Variants in ARHGAP15 observed in about 807,000 individuals in gnomAD.
ARHGAP15 encodes rho GTPase-activating protein 15.
In ARHGAP15, 51 loss-of-function variants were observed where a neutral mutation model predicts 63.7. That is an observed-to-expected ratio of 0.80 (90% CI 0.64 to 1.01). The LOEUF (loss-of-function observed/expected upper bound fraction) is 1.01. Ranked by LOEUF, ARHGAP15 falls within the 50% of genes least tolerant of loss-of-function variation. ARHGAP15 has a pLI of 0.00. For missense variants in ARHGAP15, 560 were observed against 564.6 expected (o/e 0.99, Z 0.08); for synonymous variants, 191 against 193.8 (o/e 0.99, Z 0.12).
chr2:143,256,933 T>C (rs1680457324), intron 6 of ARHGAP15, among the ~76,000 whole-genome samples: 1 of 152,142 alleles, frequency 6.6e-6, no homozygotes, highest in Non-Finnish European at 1.5e-5. Flanking sequence ...AGAAGATGGA[T>C]GGAAAGTACA....
intron 6 of ARHGAP15, among the ~76,000 whole-genome samples, chr2:143,390,918 T>C (rs1191056840): frequency 6.6e-6 from 1 of 152,208 alleles, no homozygotes; most frequent in Non-Finnish European, 1.5e-5. Context: ...CCGTATTGAT[T>C]GTTGCTGGCT....
At chr2:143,765,328 C>A (rs1291455307) in intron 13 of ARHGAP15, among the ~76,000 whole-genome samples, 1 of 152,052 alleles carries the variant, frequency 6.6e-6, no homozygotes, top group Non-Finnish European at 1.5e-5. Flanking sequence ...AGCAAAGGTC[C>A]ATTCCACTTG....
At chr2:143,443,763 T>C (rs1574458300) in intron 8 of ARHGAP15, among the ~76,000 whole-genome samples, 1 of 152,142 alleles carries the variant, frequency 6.6e-6, no homozygotes. Context: ...AGCATCCACA[T>C]TAATTTATCA....
intron 9 of ARHGAP15, among the ~76,000 whole-genome samples, chr2:143,512,190 G>A (rs191903904): frequency 7.9e-5 from 12 of 152,278 alleles, no homozygotes; most frequent in East Asian, 5.8e-4. Flanking sequence ...GCAGCATAGC[G>A]TCTAGAAGAT....
chr2:143,556,580 C>T (rs956680034), intron 11 of ARHGAP15, 95 bp downstream of exon 11: 1 of 836,042 alleles, frequency 1.2e-6, no homozygotes, highest in South Asian at 2.4e-5. Flanking sequence ...AATAATAAAA[C>T]TTTAACAGGA....
At chr2:143,444,350 G>T (rs1256730045) in intron 8 of ARHGAP15, among the ~76,000 whole-genome samples, 1 of 152,144 alleles carries the variant, frequency 6.6e-6, no homozygotes, top group African/African-American at 2.4e-5. Flanking sequence ...TTTATTCCAT[G>T]ACTTTAAAAT....
intron 6 of ARHGAP15, among the ~76,000 whole-genome samples, chr2:143,391,405 A>G (rs1687533454): frequency 6.6e-6 from 1 of 152,110 alleles, no homozygotes; most frequent in South Asian, 2.1e-4. Flanking sequence ...TGTTAGATGC[A>G]ACCACAGAGA....
chr2:143,200,473 A>C lies in ARHGAP15; in HGVS notation c.166-1661A>C, dbSNP rs554069307. ...TATGTGCCAGTAACCAGAACCAAAA[A>C]CAATAAAGTCCTTTCCTAGACATAG... On this transcript the variant is annotated intron_variant, in intron 2 of 13. Transcript: ENST00000295095. Among the ~76,000 whole-genome samples, 3 of 152,068 alleles carry C rather than the reference A, an allele frequency of 2.0e-5. No individual in the cohort carries two copies. The East Asian group carries it at 5.8e-4, about 29-fold the overall frequency.
intron 6 of ARHGAP15, among the ~76,000 whole-genome samples, chr2:143,380,801 T>G (rs1687026185): frequency 6.6e-6 from 1 of 152,130 alleles, no homozygotes; most frequent in African/African-American, 2.4e-5. Context: ...ATATAAACTT[T>G]ACATCAGGCT....
intron 11 of ARHGAP15, among the ~76,000 whole-genome samples, chr2:143,566,575 T>C (rs2105109233): frequency 6.6e-6 from 1 of 152,214 alleles, no homozygotes; most frequent in East Asian, 1.9e-4. Context: ...TGCTCCCTCC[T>C]CTCTCTCTGA....
intron 13 of ARHGAP15, among the ~76,000 whole-genome samples, chr2:143,709,557 T>C (rs1442736619): frequency 6.6e-6 from 1 of 152,070 alleles, no homozygotes; most frequent in African/African-American, 2.4e-5. Flanking sequence ...AAAAATGATA[T>C]GGCTGAATAG....
At chr2:143,728,391 C>T (rs1208474853) in intron 13 of ARHGAP15, among the ~76,000 whole-genome samples, 1 of 152,112 alleles carries the variant, frequency 6.6e-6, no homozygotes, top group Non-Finnish European at 1.5e-5. Flanking sequence ...ACATTCTGAG[C>T]TAACGGTAGC....
At chr2:143,136,757 G>A (rs1332474033) in intron 1 of ARHGAP15, among the ~76,000 whole-genome samples, 1 of 151,972 alleles carries the variant, frequency 6.6e-6, no homozygotes, top group African/African-American at 2.4e-5. Context: ...CTTTCAAATT[G>A]TTGCTATTAT....
chr2:143,188,320 C>A (rs1277803923), intron 2 of ARHGAP15, among the ~76,000 whole-genome samples: 2 of 151,826 alleles, frequency 1.3e-5, no homozygotes, highest in African/African-American at 4.8e-5. Context: ...ATTCAATTTT[C>A]TTGGATGGAG....
intron 6 of ARHGAP15, among the ~76,000 whole-genome samples, chr2:143,360,220 A>T (rs377277357): frequency 8.8e-4 from 75 of 85,190 alleles, no homozygotes; most frequent in African/African-American, 2.7e-3. Flanking sequence ...ACAAGGAATT[A>T]AAAAAAAAAA....
At chr2:143,568,276 C>T (rs1351455777) in intron 11 of ARHGAP15, among the ~76,000 whole-genome samples, 1 of 152,080 alleles carries the variant, frequency 6.6e-6, no homozygotes, top group Non-Finnish European at 1.5e-5. Context: ...ACCCATCTGA[C>T]AAAGGGCTAA....
chr2:143,649,535 A>G (rs557367304), intron 12 of ARHGAP15, among the ~76,000 whole-genome samples: 4 of 152,062 alleles, frequency 2.6e-5, no homozygotes, highest in African/African-American at 4.8e-5. Flanking sequence ...GTTTATACCA[A>G]TTTTGAAAAC....
chr2:143,266,570 C>G (rs1233995044), intron 6 of ARHGAP15, among the ~76,000 whole-genome samples: 1 of 152,076 alleles, frequency 6.6e-6, no homozygotes, highest in East Asian at 1.9e-4. Context: ...ATTTTGTTCA[C>G]TTAGCATATT....
At chr2:143,257,251 A>G (rs1351885467) in intron 6 of ARHGAP15, among the ~76,000 whole-genome samples, 1 of 152,112 alleles carries the variant, frequency 6.6e-6, no homozygotes, top group Non-Finnish European at 1.5e-5. Flanking sequence ...TTCTTTTTGA[A>G]CTATCAAAGC....
Sources: gnomAD v4.1 joint callset for allele counts (sites outside exome capture counted in the v4.1 genomes callset) on GRCh38, gnomAD v4.1.1 for gene constraint, MANE v1.5 for transcripts, NCBI Gene and HGNC (gene_info 2026-07-23, HGNC 2026-07-21) for gene names.